LRP1B: variants seen among roughly 807,000 people sequenced by gnomAD.
The protein encoded by LRP1B is LDL receptor related protein 1B, also known as low-density lipoprotein receptor-related protein 1B.
In LRP1B, 217 loss-of-function variants were observed where a neutral mutation model predicts 556.6. The ratio of observed to expected loss-of-function variants is 0.39; its 90% confidence interval spans 0.35 to 0.44. The LOEUF (loss-of-function observed/expected upper bound fraction) is 0.44, where lower values mean the gene tolerates loss of function less well. Ranked by LOEUF, LRP1B falls within the 20% of genes least tolerant of loss-of-function variation. The pLI, the probability that LRP1B is intolerant of heterozygous loss-of-function variation, is 1.00. For missense variants in LRP1B, 5,053 were observed against 5,620.8 expected, an observed-to-expected ratio of 0.90 and a Z score of 3.23; for synonymous variants, 2,047 against 1,865.8, an observed-to-expected ratio of 1.10 and a Z score of -2.50.
chr2:140,833,558 G>T (rs539085558), intron 31 of LRP1B, among the ~76,000 whole-genome samples: 1 of 152,216 alleles, frequency 6.6e-6, no homozygotes, highest in South Asian at 2.1e-4. Context: ...TGTTTTTGTT[G>T]CCAGATACAT....
intron 32 of LRP1B, among the ~76,000 whole-genome samples, chr2:140,781,337 A>G (rs185678508): frequency 6.6e-6 from 1 of 152,330 alleles, no homozygotes; most frequent in Admixed American, 6.5e-5. Flanking sequence ...ATTCTTGCTT[A>G]AGATTCTTCA....
intron 20 of LRP1B, among the ~76,000 whole-genome samples, chr2:140,927,774 T>C (rs961832039): frequency 6.7e-6 from 1 of 149,854 alleles, no homozygotes. Flanking sequence ...TAGTGCAATC[T>C]TGGCTCACTG....
intron 41 of LRP1B, among the ~76,000 whole-genome samples, chr2:140,629,695 C>G (rs1360907459): frequency 6.6e-6 from 1 of 152,114 alleles, no homozygotes; most frequent in Non-Finnish European, 1.5e-5. Flanking sequence ...TTCAGGACTA[C>G]AAACACATGT....
chr2:140,662,143 A>C (rs1222302880), intron 41 of LRP1B, among the ~76,000 whole-genome samples: 2 of 152,026 alleles, frequency 1.3e-5, no homozygotes, highest in Admixed American at 1.3e-4. Context: ...GTAATAAAAC[A>C]TGATATATCC....
At chr2:140,569,266 A>T (rs1377321400) in intron 43 of LRP1B, among the ~76,000 whole-genome samples, 1 of 152,032 alleles carries the variant, frequency 6.6e-6, no homozygotes, top group African/African-American at 2.4e-5. Context: ...AAACATATAG[A>T]CTGGCTGAAA....
At position 141,916,486 on chromosome 2, in the gene LRP1B, T is replaced by C. The variant is rs998796142; in HGVS notation, c.83-106085A>G. Reference sequence around the variant, plus strand: ...TTCACGCCATCCTCCTGCCTCAGCCTCCCTAGTAGCTGGGACTGCAGGCAC... The same window carrying C: ...TTCACGCCATCCTCCTGCCTCAGCCCCCCTAGTAGCTGGGACTGCAGGCAC... On this transcript the variant is annotated intron_variant, in intron 1 of 90. Coordinates refer to ENST00000389484, the MANE Select transcript of LRP1B (RefSeq NM_018557.3). Among the ~76,000 whole-genome samples, 6 of 150,548 alleles carry C rather than the reference T, an allele frequency of 4.0e-5. No homozygotes were observed. The East Asian group carries it at 1.2e-3, about 29-fold the overall frequency.
chr2:140,272,258 A>AACACACACACACACACACAC (rs10654741), intron 85 of LRP1B, among the ~76,000 whole-genome samples: 7 of 149,320 alleles, frequency 4.7e-5, no homozygotes, highest in African/African-American at 7.4e-5. Flanking sequence ...TGCACACACA[A>AACACACACACACACACACAC]ACACACACAC....
At chr2:141,784,392 A>T (rs950802485) in intron 2 of LRP1B, among the ~76,000 whole-genome samples, 2 of 151,994 alleles carry the variant, frequency 1.3e-5, no homozygotes, top group Non-Finnish European at 2.9e-5. Flanking sequence ...TGGAATAGAT[A>T]TTTTACTGAA....
At chr2:142,040,965 A>G (rs1026017937) in intron 1 of LRP1B, among the ~76,000 whole-genome samples, 1 of 151,360 alleles carries the variant, frequency 6.6e-6, no homozygotes, top group Non-Finnish European at 1.5e-5. Flanking sequence ...CACTTTGGCT[A>G]TTCTCTCTGG....
At chr2:141,264,802 T>G (rs1057271383) in intron 3 of LRP1B, among the ~76,000 whole-genome samples, 3 of 152,202 alleles carry the variant, frequency 2.0e-5, no homozygotes, top group Non-Finnish European at 4.4e-5. Flanking sequence ...TTTTGGGTTT[T>G]GTTTTGTTTT....
At chr2:142,038,404 G>A (rs557209500) in intron 1 of LRP1B, among the ~76,000 whole-genome samples, 7 of 151,734 alleles carry the variant, frequency 4.6e-5, no homozygotes, top group East Asian at 3.9e-4. Context: ...TATTAATAAT[G>A]AGGTGGAGCT....
At chr2:142,059,381 T>C (rs552332315) in intron 1 of LRP1B, among the ~76,000 whole-genome samples, 3 of 152,274 alleles carry the variant, frequency 2.0e-5, no homozygotes, top group Non-Finnish European at 2.9e-5. Flanking sequence ...GTCAATATTG[T>C]TTGTTCCTTA....
chr2:140,748,593 A>ATG (rs1208498512), intron 35 of LRP1B, among the ~76,000 whole-genome samples: 2 of 7,804 alleles, frequency 2.6e-4, no homozygotes, highest in African/African-American at 7.6e-4. Context: ...TACAGTGTGT[A>ATG]TATATATATA....
chr2:141,726,446 A>G lies in LRP1B; in HGVS notation c.205+83833T>C, dbSNP rs1574289006. 2.0e-5 allele frequency among the ~76,000 whole-genome samples: 3 copies of G among 152,052 alleles called. 1 individual carries two copies. The South Asian group carries it at 6.2e-4, about 32-fold the overall frequency. ...TGAAATGTCATTTCCTACAATGTGC[A>G]TTCTAGGGGGCATAACAGTTGGTTA... On this transcript the variant is annotated intron_variant, in intron 2 of 90. Coordinates refer to ENST00000389484, the MANE Select transcript of LRP1B (RefSeq NM_018557.3).
intron 2 of LRP1B, among the ~76,000 whole-genome samples, chr2:141,677,646 T>C (rs164976): frequency 0.45 from 68,661 of 151,954 alleles, 16,110 homozygotes; most frequent in East Asian, 0.59. Flanking sequence ...TGCGCCACCA[T>C]GCCCCGTTAA....
At chr2:140,345,861 CATAT>C (rs200666839) in intron 77 of LRP1B, among the ~76,000 whole-genome samples, 1 of 137,860 alleles carries the variant, frequency 7.3e-6, no homozygotes, top group South Asian at 2.2e-4. Flanking sequence ...CACACACACA[CATAT>C]ATATATATAT....
chr2:140,860,679 T>A (rs1692760309), intron 27 of LRP1B, among the ~76,000 whole-genome samples: 2 of 151,882 alleles, frequency 1.3e-5, no homozygotes, highest in Middle Eastern at 3.2e-3. Flanking sequence ...TTTTTTTTTT[T>A]AATTCCAATT....
chr2:141,323,087 ACTG>A (rs1029849843), intron 3 of LRP1B, among the ~76,000 whole-genome samples: 3 of 152,006 alleles, frequency 2.0e-5, no homozygotes, highest in Admixed American at 6.6e-5. Flanking sequence ...TACTATTACT[ACTG>A]CTGCTGCTGC....
At chr2:141,014,125 A>C (rs1697834288) in intron 13 of LRP1B, among the ~76,000 whole-genome samples, 1 of 152,088 alleles carries the variant, frequency 6.6e-6, no homozygotes, top group African/African-American at 2.4e-5. Context: ...GATAGAAATC[A>C]GTCTGAATAA....
Sources: allele counts gnomAD v4.1 joint callset (sites outside exome capture counted in the v4.1 genomes callset), GRCh38; gene constraint gnomAD v4.1.1; transcripts MANE v1.5; gene names NCBI Gene and HGNC (gene_info 2026-07-23, HGNC 2026-07-21).